Variants in CACNB2 observed in about 807,000 individuals in gnomAD.
The protein encoded by CACNB2 is voltage-dependent L-type calcium channel subunit beta-2.
In CACNB2, 42 loss-of-function variants were observed where a neutral mutation model predicts 73.3. That is an observed-to-expected ratio of 0.57 (90% CI 0.45 to 0.74). CACNB2 has a LOEUF of 0.74. CACNB2 is among the 30% of genes least tolerant of loss of function. The pLI is 0.00. For synonymous variants in CACNB2, 348 were observed against 310.3 expected (o/e 1.12, Z -1.28); for missense variants, 940 against 853.0 (o/e 1.10, Z -1.27).
chr10:18,442,640 C>A (rs889217807), intron 3 of CACNB2, among the ~76,000 whole-genome samples: 1 of 151,140 alleles, frequency 6.6e-6, no homozygotes, highest in Admixed American at 6.6e-5. Context: ...TCCTGGCCAA[C>A]ATGATGAAAC....
chr10:18,220,530 G>A (rs989696816), intron 2 of CACNB2, among the ~76,000 whole-genome samples: 13 of 151,574 alleles, frequency 8.6e-5, no homozygotes, highest in Non-Finnish European at 1.6e-4. Flanking sequence ...CCAAAGTTCT[G>A]GGCTTACAGG....
chr10:18,228,355 C>T (rs2036082517), intron 2 of CACNB2, among the ~76,000 whole-genome samples: 1 of 133,824 alleles, frequency 7.5e-6, no homozygotes, highest in Admixed American at 9.0e-5. Context: ...ATCGCTTGAA[C>T]TTGGAAGGCA....
At chr10:18,244,703 G>C (rs758942297) in intron 2 of CACNB2, among the ~76,000 whole-genome samples, 2 of 152,224 alleles carry the variant, frequency 1.3e-5, no homozygotes, top group Non-Finnish European at 2.9e-5. Flanking sequence ...CAGATGTGGG[G>C]CACTAGAGTA....
Position 18,151,925 on chromosome 10 carries a change from C to G in CACNB2, c.213+950C>G, listed in dbSNP as rs116086215. 4.0e-3 allele frequency among the ~76,000 whole-genome samples: 613 copies of G among 152,318 alleles called. 3 individuals are homozygous for G. The highest frequency in any genetic ancestry group is 0.014 in the African/African-American group (590 of 41,566). On this transcript the variant is annotated intron_variant, in intron 2 of 13. Coordinates refer to ENST00000324631, the MANE Select transcript of CACNB2 (RefSeq NM_201596.3). The stretch of plus-strand genomic sequence containing the variant: ...CCCCAGTGCCGCTTGAGTCCATCAT[C>G]ATGGCCATAGATTCCACCCCTGCCC...
intron 10 of CACNB2, 85 bp downstream of exon 10, chr10:18,527,782 A>G (rs763289084): frequency 1.4e-5 from 12 of 881,250 alleles, no homozygotes; most frequent in Non-Finnish European, 2.1e-5. Flanking sequence ...TGATAATTCC[A>G]TGTGTCACAG....
intron 3 of CACNB2, among the ~76,000 whole-genome samples, chr10:18,494,159 C>T (rs772313594): frequency 6.6e-6 from 1 of 152,144 alleles, no homozygotes; most frequent in Non-Finnish European, 1.5e-5. Context: ...ACTTTAATTT[C>T]TTTTTCCTTT....
In CACNB2 at chr10:18,514,224, G is replaced by A; in HGVS notation, c.671-12G>A. ...CTCCTGTCCACCTGATTTTTGAATT[G>A]TCTGTATATAGCTATAGACATAGAT... On this transcript the variant is annotated splice_polypyrimidine_tract_variant and intron_variant, in intron 6 of 13. Transcript: ENST00000324631. 6.2e-7 allele frequency: 1 copy of A among 1,613,428 alleles called. No individual in the cohort carries two copies. The highest frequency in any genetic ancestry group is 8.5e-7 in the Non-Finnish European group (1 of 1,179,714).
intron 3 of CACNB2, among the ~76,000 whole-genome samples, chr10:18,443,719 T>TC (rs954751642): frequency 1.3e-5 from 2 of 150,186 alleles, no homozygotes; most frequent in African/African-American, 4.9e-5. Context: ...TACATACCTT[T>TC]TTTTTTTTTT....
At chr10:18,324,212 G>C (rs902982405) in intron 2 of CACNB2, among the ~76,000 whole-genome samples, 7 of 152,298 alleles carry the variant, frequency 4.6e-5, no homozygotes, top group Admixed American at 1.3e-4. Context: ...TTATATATTA[G>C]ATAAGTATTT....
chr10:18,348,463 G>A (rs1208143488), intron 2 of CACNB2, among the ~76,000 whole-genome samples: 3 of 152,072 alleles, frequency 2.0e-5, no homozygotes, highest in Admixed American at 1.3e-4. Context: ...ATGGACGGAC[G>A]GATGGACAGA....
intron 2 of CACNB2, among the ~76,000 whole-genome samples, chr10:18,339,369 A>G (rs1169187896): frequency 6.6e-6 from 1 of 152,042 alleles, no homozygotes; most frequent in Non-Finnish European, 1.5e-5. Context: ...AAAAATACAA[A>G]AATTAGCCAG....
chr10:18,217,873 G>A (rs911729265), intron 2 of CACNB2, among the ~76,000 whole-genome samples: 1 of 152,056 alleles, frequency 6.6e-6, no homozygotes, highest in African/African-American at 2.4e-5. Context: ...CTCCACCCCA[G>A]GAAATGCTTG....
chr10:18,503,634 T>C (rs886199948), intron 5 of CACNB2, among the ~76,000 whole-genome samples: 1 of 152,182 alleles, frequency 6.6e-6, no homozygotes, highest in East Asian at 1.9e-4. Flanking sequence ...CATTTTGTTT[T>C]AATAGGGTGT....
At chr10:18,331,268 G>A (rs895317482) in intron 2 of CACNB2, among the ~76,000 whole-genome samples, 2 of 152,012 alleles carry the variant, frequency 1.3e-5, no homozygotes, top group Non-Finnish European at 2.9e-5. Context: ...ACAGGCATGA[G>A]CCACCGTGCC....
At chr10:18,497,449 T>C (rs138662267) in intron 3 of CACNB2, among the ~76,000 whole-genome samples, 2 of 152,264 alleles carry the variant, frequency 1.3e-5, no homozygotes, top group African/African-American at 4.8e-5. Context: ...AGACAGGGAC[T>C]GACTTTGTCC....
chr10:18,440,457 C>T (rs1184208307), intron 3 of CACNB2, among the ~76,000 whole-genome samples: 2 of 152,046 alleles, frequency 1.3e-5, no homozygotes, highest in Admixed American at 6.6e-5. Context: ...ATTGCCAGAG[C>T]TCAGGAGTTG....
intron 2 of CACNB2, among the ~76,000 whole-genome samples, chr10:18,359,767 C>T (rs988916664): frequency 6.6e-6 from 1 of 152,150 alleles, no homozygotes; most frequent in East Asian, 1.9e-4. Context: ...CCCCACCCCC[C>T]AGCAGTCCCC....
intron 3 of CACNB2, among the ~76,000 whole-genome samples, chr10:18,451,915 T>C (rs2047040433): frequency 6.6e-6 from 1 of 152,212 alleles, no homozygotes. Flanking sequence ...CTTCATAATC[T>C]ATTGTGGTAT....
chr10:18,358,845 C>G (rs1446415333), intron 2 of CACNB2, among the ~76,000 whole-genome samples: 4 of 152,112 alleles, frequency 2.6e-5, no homozygotes, highest in African/African-American at 7.2e-5. Context: ...TTTCTTGTGT[C>G]TGTCAATACA....
Sources: gnomAD v4.1 joint callset for allele counts (sites outside exome capture counted in the v4.1 genomes callset) on GRCh38, gnomAD v4.1.1 for gene constraint, MANE v1.5 for transcripts, NCBI Gene and HGNC (gene_info 2026-07-23, HGNC 2026-07-21) for gene names.